Variants in SLC9A1 observed in about 807,000 individuals in gnomAD.
SLC9A1 encodes solute carrier family 9 member A1, also known as sodium/hydrogen exchanger 1.
Under a neutral mutation model 67.9 loss-of-function variants are expected in SLC9A1, and 22 were observed. That is an observed-to-expected ratio of 0.32 (90% CI 0.23 to 0.46). SLC9A1 has a LOEUF of 0.46. Among genes scored for constraint, SLC9A1 ranks in the 20% least tolerant of loss-of-function variants. SLC9A1 has a pLI of 1.00. For synonymous variants in SLC9A1, 421 were observed against 471.8 expected, an observed-to-expected ratio of 0.89 and a Z score of 1.40; for missense variants, 686 against 1,094.8, an observed-to-expected ratio of 0.63 and a Z score of 5.27.
At chr1:27,116,491 A>G (rs1214564937) in intron 1 of SLC9A1, among the ~76,000 whole-genome samples, 1 of 152,252 alleles carries the variant, frequency 6.6e-6, no homozygotes. Context: ...AGATGTCTCC[A>G]TCCTAGGCCA....
In SLC9A1 at chr1:27,109,711, C is replaced by A; in HGVS notation, c.880G>T (p.Gly294Cys). ...GCCACCACGAAGAAGCTCAGGAAGCCGAGGAAGATGTCCACGATGCCCACG... is the reference window on the plus strand; with the variant it reads ...GCCACCACGAAGAAGCTCAGGAAGCAGAGGAAGATGTCCACGATGCCCACG... ...EHVGIVDIFL[G>C]FLSFFVVALG... Residue 294 changes from glycine (G) to cysteine (C), a missense_variant, in exon 3 of 12, where the codon GGC (glycine) becomes TGC (cysteine). Physicochemically the swap from Gly to Cys is radical, Grantham distance 159. Around this residue, in one of 7 missense-constraint regions of SLC9A1, gnomAD observed 58 missense variants for 68.9 expected, o/e 0.84. Coordinates refer to ENST00000263980, the MANE Select transcript of SLC9A1 (RefSeq NM_003047.5). This position sits in a 1 kb window ranked among gnomAD's most constrained non-coding sequence, Gnocchi z 5.5. 1 of 1,614,046 alleles carries A rather than the reference C, an allele frequency of 6.2e-7. No individual in the cohort carries two copies. The highest frequency in any genetic ancestry group is 8.5e-7 in the Non-Finnish European group (1 of 1,180,010).
At position 27,101,429 on chromosome 1, in the gene SLC9A1, G is replaced by A. The variant is rs959077014; in HGVS notation, c.2038-154C>T. Among the ~76,000 whole-genome samples, 16 of 152,234 alleles carry A rather than the reference G, an allele frequency of 1.1e-4. No individual in the cohort carries two copies. Among genetic ancestry groups the A allele is most frequent in the African/African-American group, 3.9e-4 (16 of 41,536 alleles). On this transcript the variant is annotated intron_variant, in intron 10 of 11. Coordinates refer to ENST00000263980, the MANE Select transcript of SLC9A1 (RefSeq NM_003047.5). This position sits in a 1 kb window ranked among gnomAD's most constrained non-coding sequence, Gnocchi z 4.9. ...TGTGGGCACCCGTACTGGCCCCTCA[G>A]GAGCTCCTAAGGGCTCATCCCAGGC...
rs35954506 is a variant in SLC9A1 at position 27,131,439 on chromosome 1, C to CAAA, written c.353-17156_353-17154dup. ...TGAAACCCCGTCTCTACTAAAAATA[C>CAAA]AAAAAAAAAAAAAAAAAAAAAAAAA... On this transcript the variant is annotated intron_variant, in intron 1 of 11. Transcript: ENST00000263980. 1.5e-3 allele frequency among the ~76,000 whole-genome samples: 42 copies of CAAA among 27,490 alleles called. 2 individuals carry two copies. The highest frequency in any genetic ancestry group is 4.8e-3 in the African/African-American group (28 of 5,852). The allele number at this position is 27,490 out of a possible 152,430, so 18.0% of individuals were successfully genotyped here.
At chr1:27,149,584 G>A (rs867337365) in intron 1 of SLC9A1, among the ~76,000 whole-genome samples, 1 of 152,276 alleles carries the variant, frequency 6.6e-6, no homozygotes. Flanking sequence ...AGTGACTGCT[G>A]TGGGCTGGGA....
In SLC9A1 at chr1:27,154,979, G is replaced by C. The variant is rs1019516943; in HGVS notation, c.-645C>G. On this transcript the variant is annotated 5_prime_UTR_variant, in exon 1 of 12. Coordinates refer to ENST00000263980, the MANE Select transcript of SLC9A1 (RefSeq NM_003047.5). ...CCTGGCGGGAAGGCGCCTCGGCGCG[G>C]GCTGGGGGCGGCTCGCGGTGGGCCA... The C allele has an allele frequency of 1.3e-5, 2 of 152,228 alleles. No homozygotes were observed. The highest frequency in any genetic ancestry group is 6.6e-5 in the Admixed American group (1 of 15,264). 9.4% of individuals were successfully genotyped at this position (152,228 alleles called of 1,614,324 possible).
chr1:27,150,124 TG>T (rs2083516800), intron 1 of SLC9A1, among the ~76,000 whole-genome samples: 1 of 152,214 alleles, frequency 6.6e-6, no homozygotes, highest in African/African-American at 2.4e-5. Context: ...TCTCTTCTTT[TG>T]AGAAGTGAGA....
chr1:27,101,526 A>C lies in SLC9A1; in HGVS notation c.2037+199T>G, dbSNP rs1234082633. 6.6e-6 allele frequency among the ~76,000 whole-genome samples: 1 copy of C among 152,092 alleles called. No individual in the cohort carries two copies. Among genetic ancestry groups the C allele is most frequent in the Non-Finnish European group, 1.5e-5 (1 of 68,004 alleles). ...TCCACCCATTCCTCTGTCCCCTGCCACTGCCCTAACCCAGGCCATGCCCCA... is the reference window on the plus strand; with the variant it reads ...TCCACCCATTCCTCTGTCCCCTGCCCCTGCCCTAACCCAGGCCATGCCCCA... On this transcript the variant is annotated intron_variant, in intron 10 of 11. Transcript: ENST00000263980. The surrounding 1 kb of genome is among the most constrained non-coding windows in gnomAD (Gnocchi z 4.9).
chr1:27,134,734 GA>G (rs1351426083), intron 1 of SLC9A1, among the ~76,000 whole-genome samples: 2 of 152,206 alleles, frequency 1.3e-5, no homozygotes, highest in African/African-American at 4.8e-5. Flanking sequence ...AAAGAGTACA[GA>G]CAGCACGATT....
chr1:27,128,332 AC>A (rs1348273174), intron 1 of SLC9A1, among the ~76,000 whole-genome samples: 1 of 152,194 alleles, frequency 6.6e-6, no homozygotes, highest in African/African-American at 2.4e-5. Context: ...GAGAACAGAG[AC>A]AGAAACACTC....
Position 27,154,257 on chromosome 1 carries a change from C to G in SLC9A1, c.78G>C (p.Val26=). The part of the protein sequence containing the change: ...FPSLLVVVAL[V]GLLPVLRSHG... ...GGCTCCTGAGAACAGGCAGCAGCCC[C>G]ACCAAAGCAACCACCACGAGTAAGG... Residue 26 remains valine (V), a synonymous_variant, in exon 1 of 12, where the codon GTG becomes GTC. Transcript: ENST00000263980. 1 of 1,613,684 alleles carries G rather than the reference C, an allele frequency of 6.2e-7. No individual in the cohort carries two copies. The highest frequency in any genetic ancestry group is 2.2e-5 in the East Asian group (1 of 44,858).
chr1:27,101,659 A>C lies in SLC9A1; in HGVS notation c.2037+66T>G. The C allele has an allele frequency of 2.6e-6, 3 of 1,149,470 alleles. No individual in the cohort carries two copies. The highest frequency in any genetic ancestry group is 3.9e-6 in the Non-Finnish European group (3 of 776,280). 71.2% of individuals were successfully genotyped at this position (1,149,470 alleles called of 1,614,324 possible). A position where few individuals can be genotyped will look rare whatever the true frequency, so the allele number is the denominator to read the frequency against. ...GTTCCTAGAATGGGTACATTTCCTT[A>C]GAGGCTGTGGCGGAGCTTGGGCGAG... On this transcript the variant is annotated intron_variant, in intron 10 of 11. Coordinates refer to ENST00000263980, the MANE Select transcript of SLC9A1 (RefSeq NM_003047.5). This position sits in a 1 kb window ranked among gnomAD's most constrained non-coding sequence, Gnocchi z 4.9.
chr1:27,125,420 A>G (rs768974124), intron 1 of SLC9A1, among the ~76,000 whole-genome samples: 3 of 149,788 alleles, frequency 2.0e-5, no homozygotes, highest in Non-Finnish European at 4.4e-5. Flanking sequence ...CAATTTTTGT[A>G]TTTTCAATAG....
At position 27,154,152 on chromosome 1, in the gene SLC9A1, G is replaced by A; in HGVS notation, c.183C>T (p.Thr61=). The change falls in exon 1 of 12, where the codon ACC becomes ACT. Residue 61 remains threonine, a synonymous_variant. Coordinates refer to ENST00000263980, the MANE Select transcript of SLC9A1 (RefSeq NM_003047.5). Reference sequence around the variant, plus strand: ...CTGGGGTGACCTCCGGTGGAGCGGTGGTGACATCCCCAATCGAGCGTTCTC... The same window carrying A: ...CTGGGGTGACCTCCGGTGGAGCGGTAGTGACATCCCCAATCGAGCGTTCTC... The part of the protein sequence containing the change: ...PPRERSIGDV[T]TAPPEVTPES... 6.2e-7 allele frequency: 1 copy of A among 1,614,122 alleles called. No individual in the cohort carries two copies. Among genetic ancestry groups the A allele is most frequent in the Non-Finnish European group, 8.5e-7 (1 of 1,180,008 alleles).
chr1:27,133,573 A>T (rs2083400040), intron 1 of SLC9A1, among the ~76,000 whole-genome samples: 1 of 151,966 alleles, frequency 6.6e-6, no homozygotes, highest in African/African-American at 2.4e-5. Flanking sequence ...GCCTGGTGGG[A>T]GCAGGGAACT....
intron 1 of SLC9A1, among the ~76,000 whole-genome samples, chr1:27,134,169 C>T (rs2083404261): frequency 6.6e-6 from 1 of 152,216 alleles, no homozygotes. Flanking sequence ...AGTGAGAACC[C>T]TCCAGGGGAG....
chr1:27,115,233 C>T (rs1488951430), intron 1 of SLC9A1, among the ~76,000 whole-genome samples: 1 of 152,152 alleles, frequency 6.6e-6, no homozygotes, highest in African/African-American at 2.4e-5. Context: ...TGGGACCCAC[C>T]AGCCATCTCC....
intron 1 of SLC9A1, among the ~76,000 whole-genome samples, chr1:27,123,160 T>C (rs2083316559): frequency 6.6e-6 from 1 of 152,228 alleles, no homozygotes. Flanking sequence ...ATTATATTGC[T>C]TTGGTGATTT....
At chr1:27,148,362 A>G (rs1026594976) in intron 1 of SLC9A1, among the ~76,000 whole-genome samples, 1 of 152,014 alleles carries the variant, frequency 6.6e-6, no homozygotes, top group African/African-American at 2.4e-5. Context: ...GACCACCCAG[A>G]CCCTTTAGCC....
At chr1:27,129,707 A>G (rs2083371958) in intron 1 of SLC9A1, among the ~76,000 whole-genome samples, 2 of 152,212 alleles carry the variant, frequency 1.3e-5, no homozygotes. Context: ...GAGCTGGCAC[A>G]CACACCCAGG....
Sources: allele counts gnomAD v4.1 joint callset (sites outside exome capture counted in the v4.1 genomes callset), GRCh38; gene constraint gnomAD v4.1.1; regional missense constraint gnomAD v4.1.1; non-coding constraint Gnocchi (gnomAD v3.1); transcripts MANE v1.5; gene names NCBI Gene and HGNC (gene_info 2026-07-23, HGNC 2026-07-21).